CCDC201: variants seen among roughly 807,000 people sequenced by gnomAD.
CCDC201 encodes coiled-coil domain-containing protein 201.
chr7:45,870,429 A>G (rs768554368), intron 1 of CCDC201, among the ~76,000 whole-genome samples: 1 of 152,242 alleles, frequency 6.6e-6, no homozygotes, highest in South Asian at 2.1e-4. Flanking sequence ...TACACATTGC[A>G]TACAGTGAGA....
chr7:45,860,880 T>G (rs138752295), exon 3 of CCDC201: 2 of 152,358 alleles, frequency 1.3e-5, no homozygotes, highest in East Asian at 3.9e-4. Flanking sequence ...TTTGAACACT[T>G]TAACTAGAGT....
At chr7:45,865,639 G>C (rs567025106) in intron 2 of CCDC201, among the ~76,000 whole-genome samples, 1 of 150,184 alleles carries the variant, frequency 6.7e-6, no homozygotes, top group Non-Finnish European at 1.5e-5. Context: ...AAGCCCCAAA[G>C]CTGAAAGAGT....
chr7:45,873,920 C>CTTTTTTTTTT (rs201948561), upstream of CCDC201, among the ~76,000 whole-genome samples: 1 of 121,408 alleles, frequency 8.2e-6, no homozygotes. Flanking sequence ...CATTTACTTA[C>CTTTTTTTTTT]TTTTTTTTTT....
exon 3 of CCDC201, chr7:45,860,720 T>C (rs1192385052): frequency 1.3e-5 from 2 of 152,180 alleles, no homozygotes; most frequent in African/African-American, 4.8e-5. Flanking sequence ...TTTGGAAAGC[T>C]TTGTAGCAGC....
rs145644650 is a variant in CCDC201 at position 45,870,039 on chromosome 7, A to G, written c.18+2951T>C. 6.6e-3 allele frequency among the ~76,000 whole-genome samples: 1,009 copies of G among 152,254 alleles called. 10 individuals carry two copies. Among genetic ancestry groups the G allele is most frequent in the African/African-American group, 0.023 (949 of 41,550 alleles). ...GCCATGTTGTCCAGGCTGGTCTCGA[A>G]CAGATGACCTCAGGTGATCCACGTG... is the stretch of plus-strand genomic sequence containing the variant. On this transcript the variant is annotated intron_variant, in intron 1 of 2. Transcript: ENST00000636578.
At chr7:45,862,218 G>A (rs556708397) in exon 3 of CCDC201, 1 of 152,438 alleles carries the variant, frequency 6.6e-6, no homozygotes, top group East Asian at 1.9e-4. Flanking sequence ...CCTTCCAGGT[G>A]AGAATCACGG....
upstream of CCDC201, among the ~76,000 whole-genome samples, chr7:45,873,384 G>GA (rs11377263): frequency 0.59 from 85,160 of 144,110 alleles, 24,907 homozygotes; most frequent in African/African-American, 0.65. Context: ...AAGGCAACTG[G>GA]AAAAAAAAAA....
chr7:45,877,085 C>T (rs144361788), upstream of CCDC201, among the ~76,000 whole-genome samples: 18 of 152,262 alleles, frequency 1.2e-4, no homozygotes, highest in Non-Finnish European at 1.6e-4. Flanking sequence ...TAGCCCTGGA[C>T]GATGAGAGCC....
chr7:45,870,280 A>G (rs1204371286), intron 1 of CCDC201, among the ~76,000 whole-genome samples: 1 of 152,222 alleles, frequency 6.6e-6, no homozygotes, highest in Non-Finnish European at 1.5e-5. Flanking sequence ...ACATCTTTTC[A>G]TGTATTTATT....
the CCDC201 span, among the ~76,000 whole-genome samples, chr7:45,883,438 G>A: frequency 3.3e-5 from 5 of 152,284 alleles, no homozygotes; most frequent in African/African-American, 1.2e-4. Context: ...TGGGTCCCCA[G>A]GGATGGAGAA....
upstream of CCDC201, among the ~76,000 whole-genome samples, chr7:45,874,189 G>A (rs1583654977): frequency 6.6e-6 from 1 of 152,124 alleles, no homozygotes; most frequent in Non-Finnish European, 1.5e-5. Context: ...CAGGATTACA[G>A]GTGTGAGCCA....
the CCDC201 span, among the ~76,000 whole-genome samples, chr7:45,880,769 T>C: frequency 6.6e-6 from 1 of 152,216 alleles, no homozygotes; most frequent in Admixed American, 6.5e-5. Context: ...CAACTCAGTG[T>C]GTGTAGCGAG....
the CCDC201 span, among the ~76,000 whole-genome samples, chr7:45,880,369 C>T: frequency 6.6e-6 from 1 of 152,254 alleles, no homozygotes; most frequent in Non-Finnish European, 1.5e-5. Context: ...AAGTAACATG[C>T]TGTGGTTTTC....
At chr7:45,882,866 C>A in the CCDC201 span, among the ~76,000 whole-genome samples, 3 of 152,188 alleles carry the variant, frequency 2.0e-5, no homozygotes, top group African/African-American at 7.2e-5. Flanking sequence ...TCCACACTTA[C>A]CCCAAACAAC....
intron 2 of CCDC201, among the ~76,000 whole-genome samples, chr7:45,865,264 T>G (rs1786655998): frequency 6.6e-6 from 1 of 152,186 alleles, no homozygotes; most frequent in Non-Finnish European, 1.5e-5. Flanking sequence ...TCTCATTGGG[T>G]CCTTTCAGCT....
intron 2 of CCDC201, among the ~76,000 whole-genome samples, chr7:45,863,542 G>A (rs1206729847): frequency 6.6e-6 from 1 of 152,192 alleles, no homozygotes; most frequent in Non-Finnish European, 1.5e-5. Flanking sequence ...ATGGGATTTT[G>A]TAACTGTGCT....
chr7:45,863,405 A>G (rs924366999), intron 2 of CCDC201, among the ~76,000 whole-genome samples: 2 of 152,154 alleles, frequency 1.3e-5, no homozygotes, highest in African/African-American at 2.4e-5. Context: ...GAATGGGGTA[A>G]GGTGCAGATG....
intron 1 of CCDC201, among the ~76,000 whole-genome samples, chr7:45,868,047 T>C (rs1032537675): frequency 1.3e-5 from 2 of 152,188 alleles, no homozygotes; most frequent in Non-Finnish European, 2.9e-5. Context: ...ACATCTGTAA[T>C]TGTAATTTCT....
the CCDC201 span, among the ~76,000 whole-genome samples, chr7:45,882,607 T>G: frequency 6.6e-6 from 1 of 152,196 alleles, no homozygotes; most frequent in Non-Finnish European, 1.5e-5. Context: ...AAGACAGATG[T>G]GTTCTGAAGT....
Sources: allele counts gnomAD v4.1 joint callset (sites outside exome capture counted in the v4.1 genomes callset), GRCh38; gene constraint gnomAD v4.1.1; transcripts MANE v1.5; gene names NCBI Gene and HGNC (gene_info 2026-07-23, HGNC 2026-07-21).